The following ASIC2 variants were observed in gnomAD, a reference collection of about 807,000 sequenced individuals.
ASIC2 encodes the protein acid sensing ion channel subunit 2.
ASIC2 carries 25 observed loss-of-function variants against 57.3 expected under a neutral mutation model. The observed-to-expected ratio is 0.44, with a 90% confidence interval of 0.32 to 0.61. The LOEUF (loss-of-function observed/expected upper bound fraction) is 0.61, where lower values mean the gene tolerates loss of function less well. Ranked by LOEUF, ASIC2 falls within the 20% of genes least tolerant of loss-of-function variation. The pLI is 0.06. For synonymous variants in ASIC2, 319 were observed against 307.5 expected (o/e 1.04, Z -0.39); for missense variants, 641 against 738.1 (o/e 0.87, Z 1.52).
At chr17:33,517,630 A>C (rs1914613877) in intron 1 of ASIC2, among the ~76,000 whole-genome samples, 1 of 148,806 alleles carries the variant, frequency 6.7e-6, no homozygotes, top group Non-Finnish European at 1.5e-5. Flanking sequence ...GAGAGCACTC[A>C]AGCCAGAGGC....
intron 1 of ASIC2, among the ~76,000 whole-genome samples, chr17:33,298,380 G>A (rs994820034): frequency 6.6e-6 from 1 of 152,118 alleles, no homozygotes; most frequent in African/African-American, 2.4e-5. Flanking sequence ...AGATTGCTGA[G>A]AATGATGGTT....
chr17:33,879,433 A>G (rs1380138639), intron 1 of ASIC2, among the ~76,000 whole-genome samples: 1 of 152,220 alleles, frequency 6.6e-6, no homozygotes, highest in East Asian at 1.9e-4. Flanking sequence ...CAAATGGAAA[A>G]CAAAAGGCAG....
chr17:33,966,096 T>C (rs554719133), intron 1 of ASIC2, among the ~76,000 whole-genome samples: 1 of 152,324 alleles, frequency 6.6e-6, no homozygotes, highest in African/African-American at 2.4e-5. Flanking sequence ...AACATGAAGA[T>C]AGCAAATTAC....
chr17:33,245,557 A>C (rs1442052405), intron 1 of ASIC2, among the ~76,000 whole-genome samples: 1 of 152,210 alleles, frequency 6.6e-6, no homozygotes, highest in Non-Finnish European at 1.5e-5. Flanking sequence ...GTGGGTTGCA[A>C]ATTCTGTACA....
chr17:33,611,292 A>AAAGT (rs1905401772), intron 1 of ASIC2, among the ~76,000 whole-genome samples: 1 of 152,114 alleles, frequency 6.6e-6, no homozygotes, highest in Admixed American at 6.6e-5. Context: ...GGCTCCAGAA[A>AAAGT]CCTGGGCTCT....
chr17:33,024,896 T>C (rs1476809387), intron 5 of ASIC2, among the ~76,000 whole-genome samples: 1 of 152,198 alleles, frequency 6.6e-6, no homozygotes, highest in Non-Finnish European at 1.5e-5. Context: ...TTTCCCCTGT[T>C]GTGATACTCT....
chr17:33,867,687 G>A (rs1237302892), intron 1 of ASIC2, among the ~76,000 whole-genome samples: 1 of 152,246 alleles, frequency 6.6e-6, no homozygotes, highest in African/African-American at 2.4e-5. Flanking sequence ...AAATGCAGCA[G>A]TGTTTTGGAG....
chr17:33,737,640 G>T (rs1259871569), intron 1 of ASIC2, among the ~76,000 whole-genome samples: 2 of 152,216 alleles, frequency 1.3e-5, no homozygotes, highest in Admixed American at 1.3e-4. Flanking sequence ...GATTAAGAGA[G>T]CACCAATGTG....
intron 1 of ASIC2, among the ~76,000 whole-genome samples, chr17:33,470,830 T>C (rs1464986468): frequency 6.6e-6 from 1 of 152,114 alleles, no homozygotes; most frequent in Admixed American, 6.5e-5. Context: ...GTAGTCTCTG[T>C]ACTTGCTTCC....
chr17:34,059,941 T>G (rs1908911095), intron 1 of ASIC2, among the ~76,000 whole-genome samples: 1 of 152,170 alleles, frequency 6.6e-6, no homozygotes. Context: ...ACATATAATC[T>G]TGGGAGTTCT....
At chr17:33,081,092 A>G (rs552368874) in intron 3 of ASIC2, among the ~76,000 whole-genome samples, 4 of 152,260 alleles carry the variant, frequency 2.6e-5, no homozygotes, top group African/African-American at 9.6e-5. Flanking sequence ...GTATATTTTT[A>G]TGGGATTCAG....
At chr17:33,142,494 T>C (rs941425829) in intron 1 of ASIC2, among the ~76,000 whole-genome samples, 1 of 152,210 alleles carries the variant, frequency 6.6e-6, no homozygotes, top group Non-Finnish European at 1.5e-5. Flanking sequence ...CTCTGAGAAT[T>C]TGAACTCATA....
chr17:33,482,023 C>A (rs1035651194), intron 1 of ASIC2, among the ~76,000 whole-genome samples: 3 of 152,210 alleles, frequency 2.0e-5, no homozygotes, highest in Admixed American at 2.0e-4. Context: ...TCCTGATATC[C>A]ATGACCACAT....
intron 1 of ASIC2, among the ~76,000 whole-genome samples, chr17:34,096,573 C>T (rs112318658): frequency 0.023 from 3,443 of 152,140 alleles, 140 homozygotes; most frequent in African/African-American, 0.078. Context: ...TAAAAGGAGG[C>T]AGGATTGGCC....
intron 1 of ASIC2, among the ~76,000 whole-genome samples, chr17:33,757,724 A>G (rs1467755990): frequency 1.3e-5 from 2 of 152,226 alleles, no homozygotes; most frequent in Admixed American, 6.5e-5. Flanking sequence ...TCCACAGTTC[A>G]GCATTTTCTC....
At chr17:33,507,168 C>G (rs1914289067) in intron 1 of ASIC2, among the ~76,000 whole-genome samples, 1 of 152,204 alleles carries the variant, frequency 6.6e-6, no homozygotes, top group Admixed American at 6.5e-5. Context: ...CTATTAGTCC[C>G]TGAAAACAGC....
intron 1 of ASIC2, among the ~76,000 whole-genome samples, chr17:33,822,877 T>C (rs944475302): frequency 1.2e-4 from 19 of 152,214 alleles, no homozygotes; most frequent in Non-Finnish European, 2.5e-4. Context: ...GAAAGCAGCA[T>C]GGTTGAAAAT....
intron 1 of ASIC2, among the ~76,000 whole-genome samples, chr17:33,741,992 A>C (rs1227985254): frequency 6.6e-6 from 1 of 152,178 alleles, no homozygotes; most frequent in Non-Finnish European, 1.5e-5. Flanking sequence ...CAGTGGTCAA[A>C]GGTCTAGGCC....
intron 1 of ASIC2, among the ~76,000 whole-genome samples, chr17:33,811,897 C>T (rs2141886256): frequency 1.3e-5 from 2 of 152,256 alleles, no homozygotes; most frequent in Non-Finnish European, 2.9e-5. Context: ...AGAACTTCTC[C>T]CAGCTTGGCT....
Sources: allele counts gnomAD v4.1 joint callset (sites outside exome capture counted in the v4.1 genomes callset), GRCh38; gene constraint gnomAD v4.1.1; transcripts MANE v1.5; gene names NCBI Gene and HGNC (gene_info 2026-07-23, HGNC 2026-07-21).